ITCH: variants seen among roughly 807,000 people sequenced by gnomAD.
ITCH encodes the protein E3 ubiquitin-protein ligase Itchy homolog.
A neutral mutation model predicts 126.8 loss-of-function variants in ITCH; 28 were observed. That is an observed-to-expected ratio of 0.22 (90% CI 0.16 to 0.30). ITCH has a LOEUF of 0.30. Among genes scored for constraint, ITCH ranks in the 10% least tolerant of loss-of-function variants. The pLI is 1.00. For synonymous variants in ITCH, 342 were observed against 340.0 expected, an observed-to-expected ratio of 1.01 and a Z score of -0.06; for missense variants, 631 against 1,032.4, an observed-to-expected ratio of 0.61 and a Z score of 5.33.
At chr20:34,378,461 A>G (rs2037928910) in intron 2 of ITCH, among the ~76,000 whole-genome samples, 2 of 143,582 alleles carry the variant, frequency 1.4e-5, no homozygotes, top group Admixed American at 7.1e-5. Context: ...CGATGAGCGA[A>G]ACTCTGTCTC....
chr20:34,365,935 TAC>T (rs1330408848), intron 1 of ITCH, among the ~76,000 whole-genome samples: 1 of 152,198 alleles, frequency 6.6e-6, no homozygotes, highest in Admixed American at 6.6e-5. Flanking sequence ...ACTGTAGACT[TAC>T]CAAGGAAAGG....
intron 3 of ITCH, among the ~76,000 whole-genome samples, chr20:34,406,659 C>T (rs1412394290): frequency 1.3e-5 from 2 of 151,944 alleles, no homozygotes; most frequent in African/African-American, 2.4e-5. Flanking sequence ...CTCAGCCTCC[C>T]GAGTAGCTGG....
At chr20:34,380,278 T>G (rs2038007798) in intron 2 of ITCH, among the ~76,000 whole-genome samples, 1 of 152,186 alleles carries the variant, frequency 6.6e-6, no homozygotes. Context: ...CTGAGTAATA[T>G]TCCATTTTAT....
At chr20:34,498,768 C>A (rs184510263) in intron 23 of ITCH, among the ~76,000 whole-genome samples, 2 of 151,826 alleles carry the variant, frequency 1.3e-5, no homozygotes, top group African/African-American at 4.8e-5. Context: ...GTTTTCTTTT[C>A]TTTTCTTTTC....
intron 11 of ITCH, among the ~76,000 whole-genome samples, chr20:34,448,441 A>G (rs920387136): frequency 1.3e-5 from 2 of 152,156 alleles, no homozygotes; most frequent in Non-Finnish European, 2.9e-5. Flanking sequence ...GAGACATACT[A>G]AAATATGTAG....
intron 2 of ITCH, among the ~76,000 whole-genome samples, chr20:34,379,405 T>C (rs2037966242): frequency 6.6e-6 from 1 of 152,168 alleles, no homozygotes; most frequent in African/African-American, 2.4e-5. Context: ...TTTACCTTGT[T>C]ATGTGACCAT....
At chr20:34,431,481 T>C (rs935103337) in intron 7 of ITCH, among the ~76,000 whole-genome samples, 1 of 152,160 alleles carries the variant, frequency 6.6e-6, no homozygotes, top group Non-Finnish European at 1.5e-5. Flanking sequence ...ATTTAGTTGA[T>C]AATTTGATAC....
Position 34,474,666 on chromosome 20 carries a change from ATGAGCTGT to A in ITCH, c.1570-3103_1570-3096del, listed in dbSNP as rs1987970137. Among the ~76,000 whole-genome samples the A allele has an allele frequency of 2.6e-5, 4 of 152,272 alleles. No homozygotes were observed. In the South Asian group the frequency reaches 8.3e-4, roughly 32 times the overall value. Reference sequence around the variant, plus strand: ...CCATTGTCATCATGGCCCGTTCTCAATGAGCTGTTGGGTACACCTCCCAGACGGGGTGG... The same window carrying A: ...CCATTGTCATCATGGCCCGTTCTCAATGGGTACACCTCCCAGACGGGGTGG... On this transcript the variant is annotated intron_variant, in intron 16 of 24. Transcript: ENST00000374864.
chr20:34,466,470 A>G (rs1987078763), intron 14 of ITCH: 1 of 483,174 alleles, frequency 2.1e-6, no homozygotes, highest in African/African-American at 2.0e-5. Flanking sequence ...TATTTAAAGC[A>G]GAAACTGGAA....
intron 23 of ITCH, among the ~76,000 whole-genome samples, chr20:34,494,970 C>G (rs6059872): frequency 6.7e-6 from 1 of 150,044 alleles, no homozygotes. Context: ...AAAATACATA[C>G]ACTGGGCGCG....
At chr20:34,410,424 C>T (rs559474454) in intron 4 of ITCH, among the ~76,000 whole-genome samples, 16 of 151,852 alleles carry the variant, frequency 1.1e-4, no homozygotes, top group African/African-American at 3.1e-4. Flanking sequence ...TCTTGAGGCC[C>T]GTATCATTCG....
intron 2 of ITCH, among the ~76,000 whole-genome samples, chr20:34,372,484 A>G (rs909642615): frequency 4.3e-5 from 6 of 140,156 alleles, no homozygotes; most frequent in Admixed American, 7.8e-5. Flanking sequence ...GGGTTCAAGC[A>G]ATTCTCCTGC....
chr20:34,504,209 G>A (rs1283211840), intron 23 of ITCH, 122 bp from the exon 24 acceptor site: 1 of 760,506 alleles, frequency 1.3e-6, no homozygotes, highest in African/African-American at 1.7e-5. Flanking sequence ...AAGATGATGT[G>A]TGGGGCCTGA....
At chr20:34,373,038 A>G (rs544485266) in intron 2 of ITCH, among the ~76,000 whole-genome samples, 27 of 150,126 alleles carry the variant, frequency 1.8e-4, no homozygotes, top group Middle Eastern at 3.4e-3. Flanking sequence ...GCAATGGTGC[A>G]ATCTCAGCTT....
At chr20:34,402,086 A>G (rs2038906890) in intron 3 of ITCH, 1 of 787,886 alleles carries the variant, frequency 1.3e-6, no homozygotes, top group South Asian at 1.5e-5. Flanking sequence ...AGTTTGACTT[A>G]AACATTGCTT....
chr20:34,500,288 A>G (rs1990165466), intron 23 of ITCH, among the ~76,000 whole-genome samples: 1 of 152,190 alleles, frequency 6.6e-6, no homozygotes, highest in Non-Finnish European at 1.5e-5. Context: ...TGAAGTCCCC[A>G]ACTAGTATTG....
At chr20:34,467,222 A>C (rs1371691868) in intron 14 of ITCH, among the ~76,000 whole-genome samples, 1 of 152,204 alleles carries the variant, frequency 6.6e-6, no homozygotes, top group East Asian at 1.9e-4. Flanking sequence ...CTGATAAATC[A>C]AATGCATAAT....
At chr20:34,456,651 T>A (rs1292186626) in intron 12 of ITCH, among the ~76,000 whole-genome samples, 2 of 142,546 alleles carry the variant, frequency 1.4e-5, no homozygotes, top group Non-Finnish European at 3.1e-5. Flanking sequence ...AAAATATATA[T>A]ATATATATGT....
At chr20:34,473,152 A>C (rs1312999450) in intron 16 of ITCH, among the ~76,000 whole-genome samples, 1 of 152,248 alleles carries the variant, frequency 6.6e-6, no homozygotes, top group African/African-American at 2.4e-5. Context: ...TAACAAAACT[A>C]ATTGCAAAAT....
Sources: allele counts gnomAD v4.1 joint callset (sites outside exome capture counted in the v4.1 genomes callset), GRCh38; gene constraint gnomAD v4.1.1; transcripts MANE v1.5; gene names NCBI Gene and HGNC (gene_info 2026-07-23, HGNC 2026-07-21).